The following MCF2L2 variants were observed in gnomAD, a reference collection of about 807,000 sequenced individuals.
The protein encoded by MCF2L2 is probable guanine nucleotide exchange factor MCF2L2.
In MCF2L2, 102 loss-of-function variants were observed where a neutral mutation model predicts 150.2. The ratio of observed to expected loss-of-function variants is 0.68; its 90% CI spans 0.58 to 0.80. The LOEUF (loss-of-function observed/expected upper bound fraction) is 0.80. Ranked by LOEUF, MCF2L2 falls within the 30% of genes least tolerant of loss-of-function variation. The pLI, the probability that MCF2L2 is intolerant of heterozygous loss-of-function variation, is 0.00. For missense variants in MCF2L2, 1,256 were observed against 1,372.8 expected, an observed-to-expected ratio of 0.91 and a Z score of 1.34; for synonymous variants, 465 against 491.3, an observed-to-expected ratio of 0.95 and a Z score of 0.71.
chr3:183,182,856 T>C (rs781628231), intron 27 of MCF2L2, among the ~76,000 whole-genome samples: 6 of 152,108 alleles, frequency 3.9e-5, no homozygotes, highest in Non-Finnish European at 7.4e-5. Context: ...CCAGGGATGG[T>C]AATTGACCAC....
intron 3 of MCF2L2, among the ~76,000 whole-genome samples, chr3:183,355,717 C>T (rs1439341010): frequency 2.7e-5 from 4 of 150,174 alleles, no homozygotes; most frequent in South Asian, 4.2e-4. Context: ...CCGCCTGCCT[C>T]GGCCTCCCAA....
intron 1 of MCF2L2, among the ~76,000 whole-genome samples, chr3:183,405,451 T>C (rs1362475665): frequency 6.6e-6 from 1 of 151,894 alleles, no homozygotes; most frequent in Non-Finnish European, 1.5e-5. Context: ...GGATACAATA[T>C]AGTTGATTGC....
chr3:183,269,711 C>T, intron 15 of MCF2L2: 1 of 1,195,944 alleles, frequency 8.4e-7, no homozygotes, highest in East Asian at 2.4e-5. Context: ...AGATGGACAC[C>T]TACTCTACGA....
chr3:183,394,119 C>A (rs1293118073), intron 1 of MCF2L2, among the ~76,000 whole-genome samples: 4 of 152,230 alleles, frequency 2.6e-5, no homozygotes, highest in Non-Finnish European at 4.4e-5. Context: ...TGTGACATTA[C>A]TGCTTTGCCC....
intron 1 of MCF2L2, among the ~76,000 whole-genome samples, chr3:183,416,354 T>C (rs1427262842): frequency 6.6e-6 from 1 of 152,248 alleles, no homozygotes; most frequent in African/African-American, 2.4e-5. Context: ...TTTGTTCCTA[T>C]GGATTTGAGC....
At chr3:183,255,556 G>A (rs1351272178) in intron 15 of MCF2L2, among the ~76,000 whole-genome samples, 3 of 152,178 alleles carry the variant, frequency 2.0e-5, no homozygotes, top group African/African-American at 4.8e-5. Context: ...AAGGCTCTAA[G>A]GTAGAACCAG....
At chr3:183,420,162 G>C (rs542760758) in intron 1 of MCF2L2, among the ~76,000 whole-genome samples, 1 of 152,078 alleles carries the variant, frequency 6.6e-6, no homozygotes, top group Non-Finnish European at 1.5e-5. Flanking sequence ...CACATCTTCC[G>C]GTCTTCTTCT....
chr3:183,369,042 A>G (rs994495877), intron 3 of MCF2L2, among the ~76,000 whole-genome samples: 1 of 152,244 alleles, frequency 6.6e-6, no homozygotes, highest in East Asian at 1.9e-4. Context: ...TATTCTTGAC[A>G]CAATAGAATA....
intron 1 of MCF2L2, among the ~76,000 whole-genome samples, chr3:183,405,214 G>T (rs538294528): frequency 7.9e-5 from 12 of 152,160 alleles, no homozygotes; most frequent in East Asian, 7.7e-4. Context: ...TAGCTCAAAA[G>T]GTAACTGATT....
Position 183,318,236 on chromosome 3 carries a change from G to GT in MCF2L2, c.604-20dup, listed in dbSNP as rs1560019178. On this transcript the variant is annotated intron_variant, in intron 6 of 29. Coordinates refer to ENST00000328913, the MANE Select transcript of MCF2L2 (RefSeq NM_015078.4). ...CGATGGCCTGGAAGGTCAGACAATT[G>GT]TAACAATATGGAGAGATTAACATTC... 5.0e-6 allele frequency: 8 copies of GT among 1,613,908 alleles called. No homozygotes were observed.
chr3:183,319,896 T>C (rs1729740925), intron 6 of MCF2L2, among the ~76,000 whole-genome samples: 1 of 151,868 alleles, frequency 6.6e-6, no homozygotes, highest in Admixed American at 6.6e-5. Flanking sequence ...ATTTTTGGAG[T>C]GGTAAATGAG....
intron 25 of MCF2L2, 46 bp downstream of exon 25, chr3:183,205,830 G>A (rs1323763664): frequency 1.4e-6 from 2 of 1,456,686 alleles, no homozygotes; most frequent in South Asian, 1.1e-5. Flanking sequence ...CCACTGAGCT[G>A]AAATCAGTAT....
chr3:183,384,596 T>G (rs1208604617), intron 2 of MCF2L2, among the ~76,000 whole-genome samples: 1 of 152,038 alleles, frequency 6.6e-6, no homozygotes, highest in Non-Finnish European at 1.5e-5. Flanking sequence ...TGATTTCATC[T>G]CTGGCCAATC....
intron 27 of MCF2L2, among the ~76,000 whole-genome samples, chr3:183,187,451 C>G (rs1476579176): frequency 6.6e-6 from 1 of 151,960 alleles, no homozygotes; most frequent in Non-Finnish European, 1.5e-5. Context: ...AGCTTATAAC[C>G]TTTATTTTTT....
In MCF2L2 at chr3:183,215,986, C is replaced by A; in HGVS notation, c.2479G>T (p.Ala827Ser). The part of the protein sequence containing the change: ...KSCELAVDLA[A>S]VTECPDDIGK... ...GAACATACCGGACATTCAGTCACTG[C>A]TGCTAGGTCCACAGCCAACTCACAG... The change falls in exon 22 of 30, where the codon GCA (alanine) becomes TCA (serine). Residue 827 changes from alanine (A) to serine (S), a missense_variant. By Grantham distance (99) the Ala-to-Ser change is moderately conservative. Transcript: ENST00000328913. The A allele has an allele frequency of 1.2e-6, 2 of 1,613,716 alleles. No individual in the cohort carries two copies. Among genetic ancestry groups the A allele is most frequent in the Non-Finnish European group, 1.7e-6 (2 of 1,179,784 alleles).
At position 183,289,196 on chromosome 3, in the gene MCF2L2, G is replaced by A. The variant is rs370311977; in HGVS notation, c.1700C>T (p.Thr567Met). ...TGTCTCCGTATAAGGTTCCTCAGACGTTCTCAGAGGACGAGCTAGAGGGAC... is the reference window on the plus strand; with the variant it reads ...TGTCTCCGTATAAGGTTCCTCAGACATTCTCAGAGGACGAGCTAGAGGGAC... ...TSVPLARPLR[T>M]SEEPYTETEL... Residue 567 changes from threonine (T) to methionine (M), a missense_variant, in exon 14 of 30, where the codon ACG (threonine) becomes ATG (methionine). Transcript: ENST00000328913. 63 of 1,613,268 alleles carry A rather than the reference G, an allele frequency of 3.9e-5. No homozygotes were observed. The highest frequency in any genetic ancestry group is 1.1e-4 in the African/African-American group (8 of 74,910).
At chr3:183,218,765 C>A (rs939495190) in intron 21 of MCF2L2, among the ~76,000 whole-genome samples, 2 of 152,152 alleles carry the variant, frequency 1.3e-5, no homozygotes, top group Admixed American at 6.6e-5. Flanking sequence ...CTTCCGCTAA[C>A]CCTCCTTCAC....
rs189489164 is a variant in MCF2L2, at chr3:183,275,622, T to G, written c.1862+1250A>C. 5.5e-3 allele frequency among the ~76,000 whole-genome samples: 835 copies of G among 152,342 alleles called. 7 individuals are homozygous for G. Among genetic ancestry groups the G allele is most frequent in the Non-Finnish European group, 8.3e-3 (563 of 68,024 alleles). Reference sequence around the variant, plus strand: ...ATACGTTTTTTGTTTTTTTTCTTCCTCTTTGAGACAGGGTTTTGCTCTGTC... The same window carrying G: ...ATACGTTTTTTGTTTTTTTTCTTCCGCTTTGAGACAGGGTTTTGCTCTGTC... On this transcript the variant is annotated intron_variant, in intron 15 of 29. Transcript: ENST00000328913.
intron 15 of MCF2L2, among the ~76,000 whole-genome samples, chr3:183,258,009 C>G (rs1422658571): frequency 7.8e-6 from 1 of 127,870 alleles, no homozygotes; most frequent in African/African-American, 3.2e-5. Context: ...GCTCTGTTGC[C>G]CAGGCTGGAG....
Sources: gnomAD v4.1 joint callset for allele counts (sites outside exome capture counted in the v4.1 genomes callset) on GRCh38, gnomAD v4.1.1 for gene constraint, MANE v1.5 for transcripts, NCBI Gene and HGNC (gene_info 2026-07-23, HGNC 2026-07-21) for gene names.